Variants in PARP10 observed in about 807,000 individuals in gnomAD.
PARP10 encodes poly(ADP-ribose) polymerase family member 10, also known as protein mono-ADP-ribosyltransferase PARP10.
PARP10 carries 56 observed loss-of-function variants against 82.4 expected under a neutral mutation model. The observed-to-expected ratio is 0.68, with a 90% CI of 0.55 to 0.85. PARP10 has a LOEUF of 0.85. Ranked by LOEUF, PARP10 falls within the 40% of genes least tolerant of loss-of-function variation. The probability of loss-of-function intolerance (pLI) is 0.00; values close to 1 mark genes in which losing one functional copy is unlikely to be tolerated. For missense variants in PARP10, 1,227 were observed against 1,379.4 expected (o/e 0.89, Z 1.75); for synonymous variants, 576 against 601.1 (o/e 0.96, Z 0.61).
chr8:143,991,194 C>T, upstream of PARP10: 2 of 1,526,040 alleles, frequency 1.3e-6, no homozygotes, highest in Non-Finnish European at 1.8e-6. Flanking sequence ...TGTCTGTCTT[C>T]TCTAGGGGCG....
At position 143,977,419 on chromosome 8, in the gene PARP10, G is replaced by A; in HGVS notation, c.*65C>T. On this transcript the variant is annotated 3_prime_UTR_variant, in exon 11 of 11. Coordinates refer to ENST00000313028, the MANE Select transcript of PARP10 (RefSeq NM_032789.5). ...GCTCAGGCGGCCACAGTTGGGGGCG[G>A]GGAGCATCAGCCTGTGCGGAGCTGG... 2.9e-6 allele frequency: 4 copies of A among 1,380,810 alleles called. No individual in the cohort carries two copies. Among genetic ancestry groups the A allele is most frequent in the South Asian group, 2.8e-5 (2 of 70,990 alleles). The allele number at this position is 1,380,810 out of a possible 1,614,324, so 85.5% of individuals were successfully genotyped here.
In PARP10 at chr8:144,001,729, G is replaced by GAGAAA. The variant is rs368728419; in HGVS notation, c.-80+10796_-80+10800dup. On this transcript the variant is annotated intron_variant, in intron 1 of 3. Transcript: ENST00000530478. Reference sequence around the variant, plus strand: ...CTCAAAAAGAGAAGAGAAGAGAAAAGAGAAAAGAAAAGAAAAGAAAAGAAA... The same window carrying GAGAAA: ...CTCAAAAAGAGAAGAGAAGAGAAAAGAGAAAAGAAAAGAAAAGAAAAGAAAAGAAA... Among the ~76,000 whole-genome samples the GAGAAA allele has an allele frequency of 9.6e-3, 1,458 of 151,942 alleles. 28 individuals are homozygous for GAGAAA. The highest frequency in any genetic ancestry group is 0.031 in the African/African-American group (1,290 of 41,344).
chr8:144,002,043 A>G (rs1279145988), intron 1 of PARP10, among the ~76,000 whole-genome samples: 1 of 152,110 alleles, frequency 6.6e-6, no homozygotes, highest in Non-Finnish European at 1.5e-5. Context: ...ACTCTAGGGA[A>G]AAAAAGGCAA....
chr8:143,993,929 G>A (rs1212162263), upstream of PARP10, among the ~76,000 whole-genome samples: 1 of 152,316 alleles, frequency 6.6e-6, no homozygotes, highest in Non-Finnish European at 1.5e-5. Flanking sequence ...CAGCCATTTG[G>A]GCCCCTTGGC....
At chr8:143,981,305 A>AAG in intron 9 of PARP10, among the ~76,000 whole-genome samples, 1 of 143,644 alleles carries the variant, frequency 7.0e-6, no homozygotes, top group African/African-American at 2.5e-5. Context: ...TGGTGGTGGT[A>AAG]GTGGTGGTGG....
At chr8:143,998,030 C>T (rs1213609425) in intron 1 of PARP10, among the ~76,000 whole-genome samples, 6 of 152,158 alleles carry the variant, frequency 3.9e-5, no homozygotes, top group South Asian at 4.2e-4. Context: ...TGGGTTCAAG[C>T]GATCCTCCCA....
chr8:143,993,289 C>T (rs774477530), upstream of PARP10: 2 of 195,262 alleles, frequency 1.0e-5, no homozygotes, highest in African/African-American at 2.4e-5. Context: ...TGGGGACATG[C>T]GGAGTGGGGG....
At chr8:143,991,510 A>T, upstream of PARP10, 5 of 1,542,058 alleles carry the variant, frequency 3.2e-6, no homozygotes, top group Non-Finnish European at 4.4e-6. Flanking sequence ...CCCTACCCCC[A>T]AGGGGGCTAC....
At chr8:143,990,991 A>T, upstream of PARP10, 1 of 339,582 alleles carries the variant, frequency 2.9e-6, no homozygotes. This position sits in a 1 kb window ranked among gnomAD's most constrained non-coding sequence, Gnocchi z 5.6. Flanking sequence ...GGCGGCCTAG[A>T]GCCCTGGGAA....
At chr8:143,988,506 C>T (rs1443927784), upstream of PARP10, among the ~76,000 whole-genome samples, 3 of 149,724 alleles carry the variant, frequency 2.0e-5, no homozygotes, top group East Asian at 4.1e-4. Context: ...CACTCTGTTA[C>T]GCAGGCTGGA....
At chr8:143,979,757 G>C (rs782092539) in intron 9 of PARP10, among the ~76,000 whole-genome samples, 1 of 152,184 alleles carries the variant, frequency 6.6e-6, no homozygotes, top group East Asian at 1.9e-4. Flanking sequence ...TGGGCATGGT[G>C]GCTCACGCCT....
Position 143,983,322 on chromosome 8 carries a change from C to T in PARP10, c.2267G>A (p.Arg756Gln), listed in dbSNP as rs150766345. 278 of 1,611,558 alleles carry T rather than the reference C, an allele frequency of 1.7e-4. No individual in the cohort carries two copies. In the East Asian group the frequency reaches 5.5e-3, roughly 32 times the overall value. Residue 756 changes from arginine (R) to glutamine (Q), a missense_variant, in exon 8 of 11, where the codon CGG (arginine) becomes CAG (glutamine). Physicochemically the swap from Arg to Gln is conservative, Grantham distance 43. Transcript: ENST00000313028. ...LPAELRARLE[R>Q]CHGVSVALRG... is the part of the protein sequence containing the mutation. ...CAGGGCAACACTCACACCATGGCAC[C>T]GCTCCAGGCGAGCACGCAGCTCTGC... is the stretch of plus-strand genomic sequence containing the variant.
At chr8:143,982,852 C>T in intron 9 of PARP10, 80 bp downstream of exon 9, 5 of 1,566,046 alleles carry the variant, frequency 3.2e-6, no homozygotes, top group Non-Finnish European at 4.3e-6. Flanking sequence ...GCGAGAGGGA[C>T]AGGCCACAGA....
At position 144,008,881 on chromosome 8, in the gene PARP10, G is replaced by A. The variant is rs1050675607; in HGVS notation, c.-80+3649C>T. Among the ~76,000 whole-genome samples, 3 of 152,190 alleles carry A rather than the reference G, an allele frequency of 2.0e-5. No homozygotes were observed. Among genetic ancestry groups the A allele is most frequent in the African/African-American group, 4.8e-5 (2 of 41,440 alleles). On this transcript the variant is annotated intron_variant, in intron 1 of 3. Transcript: ENST00000530478. The surrounding 1 kb of genome is among the most constrained non-coding windows in gnomAD (Gnocchi z 4.0). ...CATAACAAAAAGAAAAAGAAAATGC[G>A]AATGAAGAGGAAATAAAAGTAGGGG...
chr8:143,995,988 A>G (rs1834161767), upstream of PARP10, among the ~76,000 whole-genome samples: 1 of 152,194 alleles, frequency 6.6e-6, no homozygotes, highest in Admixed American at 6.5e-5. Context: ...TCCCAGTTGC[A>G]GAATGACGCC....
upstream of PARP10, chr8:143,991,164 C>G: frequency 8.0e-7 from 1 of 1,249,882 alleles, no homozygotes; most frequent in East Asian, 2.7e-5. Flanking sequence ...TGTCGTCAAG[C>G]CAACTGTTCC....
chr8:143,997,820 T>C (rs11136251), intron 1 of PARP10, among the ~76,000 whole-genome samples: 69,237 of 150,892 alleles, frequency 0.46, 17,359 homozygotes, highest in African/African-American at 0.65. Flanking sequence ...GAGACAGGGT[T>C]TTACTCTGTC....
At chr8:143,988,128 G>A (rs1457868603), upstream of PARP10, among the ~76,000 whole-genome samples, 2 of 139,082 alleles carry the variant, frequency 1.4e-5, no homozygotes, top group African/African-American at 5.4e-5. Context: ...CACCCCTCTG[G>A]CATGATCTCC....
At chr8:144,007,769 C>T (rs895900990) in intron 1 of PARP10, among the ~76,000 whole-genome samples, 6 of 152,250 alleles carry the variant, frequency 3.9e-5, no homozygotes, top group Middle Eastern at 3.4e-3. Flanking sequence ...ACTAGACTGC[C>T]GGCACCAAGC....
Sources: allele counts gnomAD v4.1 joint callset (sites outside exome capture counted in the v4.1 genomes callset), GRCh38; gene constraint gnomAD v4.1.1; non-coding constraint Gnocchi (gnomAD v3.1); transcripts MANE v1.5; gene names NCBI Gene and HGNC (gene_info 2026-07-23, HGNC 2026-07-21).